The following ZNF423 variants were observed in gnomAD, a reference collection of about 807,000 sequenced individuals.
ZNF423 encodes zinc finger protein 423.
ZNF423 carries 12 observed loss-of-function variants against 95.8 expected under a neutral mutation model. That is an observed-to-expected ratio of 0.13 (90% CI 0.08 to 0.20). The LOEUF is 0.20. Ranked by LOEUF, ZNF423 falls within the 10% of genes least tolerant of loss-of-function variation. The pLI is 1.00. For synonymous variants in ZNF423, 749 were observed against 711.9 expected (o/e 1.05, Z -0.83); for missense variants, 1,316 against 1,737.1 (o/e 0.76, Z 4.31).
intron 5 of ZNF423, among the ~76,000 whole-genome samples, chr16:49,557,230 G>A (rs185828088): frequency 3.9e-5 from 6 of 152,218 alleles, no homozygotes; most frequent in South Asian, 4.1e-4. Flanking sequence ...CCTAGGGCGC[G>A]AGCAGCTCCC....
At chr16:49,541,910 CA>C (rs1305931820) in intron 5 of ZNF423, among the ~76,000 whole-genome samples, 1 of 152,224 alleles carries the variant, frequency 6.6e-6, no homozygotes, top group Non-Finnish European at 1.5e-5. Flanking sequence ...AACTGCAAGT[CA>C]ATTAAACCTC....
At chr16:49,649,663 A>G (rs1322880246) in intron 3 of ZNF423, among the ~76,000 whole-genome samples, 6 of 71,002 alleles carry the variant, frequency 8.5e-5, no homozygotes, top group South Asian at 6.3e-4. Context: ...ACACACACAC[A>G]CACACAGGGA....
At chr16:49,826,947 G>T (rs761853695) in intron 1 of ZNF423, 1 of 152,204 alleles carries the variant, frequency 6.6e-6, no homozygotes, top group Non-Finnish European at 1.5e-5. Context: ...ATGCCTGAAA[G>T]GAGGGTCCCC....
intron 1 of ZNF423, among the ~76,000 whole-genome samples, chr16:49,836,259 C>T (rs2035119027): frequency 6.6e-6 from 1 of 152,190 alleles, no homozygotes; most frequent in South Asian, 2.1e-4. Context: ...CCCTGCCCAC[C>T]ACCTGTCTCA....
intron 3 of ZNF423, among the ~76,000 whole-genome samples, chr16:49,688,710 G>A (rs979725405): frequency 1.3e-5 from 2 of 152,220 alleles, no homozygotes; most frequent in Admixed American, 6.5e-5. Flanking sequence ...AGATGATTGT[G>A]TTATTCACGT....
intron 2 of ZNF423, among the ~76,000 whole-genome samples, chr16:49,755,126 TCC>T (rs1255562868): frequency 2.0e-5 from 3 of 151,912 alleles, no homozygotes; most frequent in Non-Finnish European, 4.4e-5. Flanking sequence ...TCAAGCCCTG[TCC>T]CCCCACAAGT....
At chr16:49,604,047 A>AC (rs2151834881) in intron 5 of ZNF423, among the ~76,000 whole-genome samples, 1 of 152,322 alleles carries the variant, frequency 6.6e-6, no homozygotes, top group East Asian at 1.9e-4. Context: ...CTCGTACGAT[A>AC]CCGGTGTCTG....
intron 3 of ZNF423, among the ~76,000 whole-genome samples, chr16:49,662,587 T>C (rs182549562): frequency 6.6e-6 from 1 of 152,306 alleles, no homozygotes; most frequent in East Asian, 1.9e-4. Flanking sequence ...GAGCTTACAA[T>C]GCAAAGAGAG....
At chr16:49,574,019 T>G (rs1408422471) in intron 5 of ZNF423, among the ~76,000 whole-genome samples, 1 of 152,222 alleles carries the variant, frequency 6.6e-6, no homozygotes, top group Non-Finnish European at 1.5e-5. Context: ...GAGCCCCATT[T>G]GCCAGGTGAT....
intron 3 of ZNF423, among the ~76,000 whole-genome samples, chr16:49,659,631 G>A (rs2030093532): frequency 6.6e-6 from 1 of 152,230 alleles, no homozygotes; most frequent in African/African-American, 2.4e-5. Flanking sequence ...ACTCTCAAGA[G>A]GAGGCCGGGT....
intron 2 of ZNF423, among the ~76,000 whole-genome samples, chr16:49,783,758 T>A (rs1477534121): frequency 6.6e-6 from 1 of 151,798 alleles, no homozygotes; most frequent in Non-Finnish European, 1.5e-5. Context: ...GATCACAAGG[T>A]CAGGAGATCG....
At chr16:49,585,788 C>T (rs1970811592) in intron 5 of ZNF423, among the ~76,000 whole-genome samples, 1 of 152,164 alleles carries the variant, frequency 6.6e-6, no homozygotes. Context: ...GGGATAATTA[C>T]AAGGTGTCCG....
chr16:49,797,570 G>A (rs1233613786), intron 1 of ZNF423, among the ~76,000 whole-genome samples: 2 of 152,292 alleles, frequency 1.3e-5, no homozygotes, highest in Non-Finnish European at 2.9e-5. Flanking sequence ...GTGGGGTGGG[G>A]GTGATTGCAT....
chr16:49,514,758 C>T (rs1377216315), intron 7 of ZNF423, among the ~76,000 whole-genome samples: 3 of 152,212 alleles, frequency 2.0e-5, no homozygotes, highest in Admixed American at 1.3e-4. Flanking sequence ...CGCTTTGCCA[C>T]CGCGGGCCCG....
At chr16:49,650,047 G>C (rs1005599677) in intron 3 of ZNF423, among the ~76,000 whole-genome samples, 1 of 152,206 alleles carries the variant, frequency 6.6e-6, no homozygotes, top group Non-Finnish European at 1.5e-5. Context: ...GGAGAAAAAA[G>C]ACTCAGAGGT....
At chr16:49,612,835 C>T (rs750497416) in intron 5 of ZNF423, among the ~76,000 whole-genome samples, 11 of 151,896 alleles carry the variant, frequency 7.2e-5, no homozygotes, top group Admixed American at 2.0e-4. Context: ...TCAAGCAATA[C>T]AAAAATGAAC....
At chr16:49,717,034 C>T (rs2032728296) in intron 3 of ZNF423, among the ~76,000 whole-genome samples, 1 of 152,080 alleles carries the variant, frequency 6.6e-6, no homozygotes, top group Admixed American at 6.6e-5. Context: ...ATCCCACTCT[C>T]CTCCCCCGCC....
upstream of ZNF423, among the ~76,000 whole-genome samples, chr16:49,857,318 CG>C (rs1225202745): frequency 6.7e-6 from 1 of 150,168 alleles, no homozygotes; most frequent in Non-Finnish European, 1.5e-5. This position sits in a 1 kb window ranked among gnomAD's most constrained non-coding sequence, Gnocchi z 6.2. Flanking sequence ...GCGGCGGCGG[CG>C]GCGGCGGCAG....
chr16:49,802,264 G>A (rs2034594285), intron 1 of ZNF423, among the ~76,000 whole-genome samples: 1 of 152,122 alleles, frequency 6.6e-6, no homozygotes, highest in African/African-American at 2.4e-5. Flanking sequence ...CTCTCACTCT[G>A]CCCCGCTCCC....
Sources: gnomAD v4.1 joint callset for allele counts (sites outside exome capture counted in the v4.1 genomes callset) on GRCh38, gnomAD v4.1.1 for gene constraint, Gnocchi (gnomAD v3.1) non-coding constraint, MANE v1.5 for transcripts, NCBI Gene and HGNC (gene_info 2026-07-23, HGNC 2026-07-21) for gene names.